AK9: variants seen among roughly 807,000 people sequenced by gnomAD.
The protein encoded by AK9 is adenylate kinase 9, also known as adenylate kinase domain containing 1.
Under a neutral mutation model 239.6 loss-of-function variants are expected in AK9, and 191 were observed. That is an observed-to-expected ratio of 0.80 (90% confidence interval 0.71 to 0.90). AK9 has a LOEUF of 0.90. AK9 is among the 40% of genes least tolerant of loss of function. The probability of loss-of-function intolerance (pLI) is 0.00; values close to 1 mark genes in which losing one functional copy is unlikely to be tolerated. For missense variants in AK9, 1,995 were observed against 2,214.7 expected, an observed-to-expected ratio of 0.90 and a Z score of 1.99; for synonymous variants, 689 against 721.0, an observed-to-expected ratio of 0.96 and a Z score of 0.71.
chr6:109,500,765 C>T lies in AK9; in HGVS notation c.4850-1525G>A, dbSNP rs575442891. Among the ~76,000 whole-genome samples the T allele has an allele frequency of 5.3e-5, 8 of 152,268 alleles. No homozygotes were observed. The South Asian group carries it at 6.2e-4, about 12-fold the overall frequency. On this transcript the variant is annotated intron_variant, in intron 35 of 40. Transcript: ENST00000424296. Reference sequence around the variant, plus strand: ...AGGTGTGGTGGCTCACGCCTGTAATCGCAGCACTTTGGGAGGCTGAGGTGG... The same window carrying T: ...AGGTGTGGTGGCTCACGCCTGTAATTGCAGCACTTTGGGAGGCTGAGGTGG...
At chr6:109,564,044 G>C in intron 23 of AK9, 36 bp downstream of exon 23, 1 of 1,512,352 alleles carries the variant, frequency 6.6e-7, no homozygotes, top group African/African-American at 1.4e-5. Context: ...ACTATCACCT[G>C]CTGTTGATAA....
intron 24 of AK9, among the ~76,000 whole-genome samples, chr6:109,562,415 T>C (rs919018624): frequency 6.6e-6 from 1 of 152,212 alleles, no homozygotes; most frequent in Non-Finnish European, 1.5e-5. Flanking sequence ...AACAACTGTT[T>C]TACCGTCCTT....
intron 32 of AK9, among the ~76,000 whole-genome samples, chr6:109,513,113 C>T (rs1778921383): frequency 6.6e-6 from 1 of 152,214 alleles, no homozygotes; most frequent in Non-Finnish European, 1.5e-5. Flanking sequence ...AATCCTCCCA[C>T]CTTGGCCTCC....
chr6:109,543,732 G>T (rs1384608377), intron 26 of AK9, among the ~76,000 whole-genome samples: 1 of 152,074 alleles, frequency 6.6e-6, no homozygotes, highest in Non-Finnish European at 1.5e-5. Context: ...ACAGGCGTGA[G>T]CGACCGTGCC....
At chr6:109,651,499 A>G (rs927528710) in intron 8 of AK9, among the ~76,000 whole-genome samples, 27 of 152,206 alleles carry the variant, frequency 1.8e-4, no homozygotes, top group African/African-American at 6.5e-4. Context: ...TAACATCACA[A>G]TGAAAAGAAC....
chr6:109,542,017 A>G (rs762900331), intron 27 of AK9, 30 bp downstream of exon 27: 20 of 1,487,470 alleles, frequency 1.3e-5, no homozygotes, highest in Non-Finnish European at 1.8e-5. Flanking sequence ...AAAAGCAAAT[A>G]AATGTACAAT....
chr6:109,597,696 A>G (rs1791242236), intron 17 of AK9, among the ~76,000 whole-genome samples: 1 of 152,032 alleles, frequency 6.6e-6, no homozygotes, highest in Non-Finnish European at 1.5e-5. Flanking sequence ...TTTTATTGCA[A>G]CCTCAATTCT....
intron 20 of AK9, among the ~76,000 whole-genome samples, 156 bp from the exon 21 acceptor site, chr6:109,573,750 A>G (rs1787718515): frequency 1.3e-5 from 2 of 152,330 alleles, no homozygotes; most frequent in South Asian, 4.1e-4. Flanking sequence ...TTATCTATTT[A>G]TTATAGCTAT....
At position 109,523,492 on chromosome 6, in the gene AK9, A is replaced by G. The variant is rs74924217; in HGVS notation, c.3633+5519T>C. ...CACTCCTCTCTCTCTATTATTTTTG[A>G]GGTCTTTGGAGCAAGAAAAGCAGAT... On this transcript the variant is annotated intron_variant, in intron 29 of 40. Coordinates refer to ENST00000424296, the MANE Select transcript of AK9 (RefSeq NM_001145128.3). 1.3e-3 allele frequency among the ~76,000 whole-genome samples: 195 copies of G among 152,316 alleles called. 2 individuals carry two copies. Among genetic ancestry groups the G allele is most frequent in the African/African-American group, 4.5e-3 (186 of 41,576 alleles).
chr6:109,617,836 T>G lies in AK9; in HGVS notation c.1399+1256A>C, dbSNP rs140526075. On this transcript the variant is annotated intron_variant, in intron 13 of 40. Coordinates refer to ENST00000424296, the MANE Select transcript of AK9 (RefSeq NM_001145128.3). Reference sequence around the variant, plus strand: ...TCTATCTGCTTTTTCTGGTTTTCTGTGCTCACTTGAGAGACACAGTAAAGA... The same window carrying G: ...TCTATCTGCTTTTTCTGGTTTTCTGGGCTCACTTGAGAGACACAGTAAAGA... Among the ~76,000 whole-genome samples, 733 of 139,598 alleles carry G rather than the reference T, an allele frequency of 5.3e-3. 6 individuals are homozygous for G. The highest frequency in any genetic ancestry group is 0.02 in the Middle Eastern group (5 of 248). The allele number at this position is 139,598 out of a possible 152,430, so 91.6% of individuals were successfully genotyped here.
intron 23 of AK9, 41 bp downstream of exon 23, chr6:109,564,039 C>T (rs1258100981): frequency 6.6e-7 from 1 of 1,504,030 alleles, no homozygotes; most frequent in African/African-American, 1.4e-5. Context: ...CTAATACTAT[C>T]ACCTGCTGTT....
chr6:109,556,132 G>C lies in AK9; in HGVS notation c.2752-5830C>G, dbSNP rs888129221. On this transcript the variant is annotated intron_variant, in intron 24 of 40. Transcript: ENST00000424296. The stretch of plus-strand genomic sequence containing the variant: ...GGTCTTTATATTTTGGTGTATTTTT[G>C]CAGTGGCTGGTACCAGTTTTTCCTT... Among the ~76,000 whole-genome samples, 3 of 152,238 alleles carry C rather than the reference G, an allele frequency of 2.0e-5. No individual in the cohort carries two copies. In the East Asian group the frequency reaches 5.8e-4, roughly 29 times the overall value.
rs1172155726 is a variant in AK9 at position 109,529,042 on chromosome 6, A to C, written c.3602T>G (p.Leu1201Arg). Reference protein sequence around the residue: ...VDTIAKRRAELILERDKKRRE... With the variant: ...VDTIAKRRAERILERDKKRRE... ...CCTTTTTTTATCTCTCTCTAATATA[A>C]GTTCAGCCCTTCTTTTAGCAATCGT... The change falls in exon 29 of 41, where the codon CTT becomes CGT. Residue 1201 changes from leucine to arginine, a missense_variant. Coordinates refer to ENST00000424296, the MANE Select transcript of AK9 (RefSeq NM_001145128.3). 8.2e-6 allele frequency: 13 copies of C among 1,587,974 alleles called. No homozygotes were observed. The highest frequency in any genetic ancestry group is 1.1e-5 in the Non-Finnish European group (13 of 1,173,094).
chr6:109,609,112 T>A (rs1241104423), intron 17 of AK9, among the ~76,000 whole-genome samples: 1 of 152,240 alleles, frequency 6.6e-6, no homozygotes, highest in African/African-American at 2.4e-5. Flanking sequence ...CAGTTTACCA[T>A]CTAATACTAT....
chr6:109,536,441 G>A (rs1460028794), intron 27 of AK9, among the ~76,000 whole-genome samples: 1 of 152,182 alleles, frequency 6.6e-6, no homozygotes, highest in Non-Finnish European at 1.5e-5. Context: ...TGTGATTTCT[G>A]CACATTGACT....
At chr6:109,655,251 T>C (rs1222629980) in intron 8 of AK9, among the ~76,000 whole-genome samples, 1 of 152,232 alleles carries the variant, frequency 6.6e-6, no homozygotes, top group Non-Finnish European at 1.5e-5. Flanking sequence ...ATTTTCATCA[T>C]GGAAATGATA....
chr6:109,552,555 T>C (rs1784495143), intron 24 of AK9, among the ~76,000 whole-genome samples: 1 of 152,220 alleles, frequency 6.6e-6, no homozygotes, highest in Non-Finnish European at 1.5e-5. Flanking sequence ...AGGTTGTTTG[T>C]TTTTTTCTTG....
At chr6:109,523,588 G>A (rs563753628) in intron 29 of AK9, among the ~76,000 whole-genome samples, 30 of 152,254 alleles carry the variant, frequency 2.0e-4, no homozygotes, top group African/African-American at 5.3e-4. Context: ...TTCATTTGCC[G>A]AGAGGGCAGT....
At chr6:109,514,880 G>A (rs914494701) in intron 31 of AK9, among the ~76,000 whole-genome samples, 1 of 152,170 alleles carries the variant, frequency 6.6e-6, no homozygotes, top group African/African-American at 2.4e-5. Flanking sequence ...TTTGAAGACA[G>A]GGCCTTTAAT....
Sources: allele counts gnomAD v4.1 joint callset (sites outside exome capture counted in the v4.1 genomes callset), GRCh38; gene constraint gnomAD v4.1.1; transcripts MANE v1.5; gene names NCBI Gene and HGNC (gene_info 2026-07-23, HGNC 2026-07-21).